The following RAB21 variants were observed in gnomAD, a reference collection of about 807,000 sequenced individuals.
RAB21 encodes the protein ras-related protein Rab-21.
A neutral mutation model predicts 33.1 loss-of-function variants in RAB21; 13 were observed. The ratio of observed to expected loss-of-function variants is 0.39; its 90% confidence interval spans 0.26 to 0.62. RAB21 has a LOEUF of 0.62. Ranked by LOEUF, RAB21 falls within the 20% of genes least tolerant of loss-of-function variation. The pLI is 0.48. For missense variants in RAB21, 234 were observed against 279.1 expected (o/e 0.84, Z 1.15); for synonymous variants, 91 against 103.7 (o/e 0.88, Z 0.74).
chr12:71,783,696 A>T (rs1318185091), intron 6 of RAB21, among the ~76,000 whole-genome samples: 1 of 152,214 alleles, frequency 6.6e-6, no homozygotes, highest in Non-Finnish European at 1.5e-5. Flanking sequence ...TCCAATGCAC[A>T]CTAAAATATA....
intron 1 of RAB21, among the ~76,000 whole-genome samples, chr12:71,758,718 A>G (rs1483493141): frequency 5.9e-5 from 9 of 151,984 alleles, no homozygotes; most frequent in Non-Finnish European, 7.4e-5. Flanking sequence ...AGCTCAAGCA[A>G]TCCTTCTGCT....
chr12:71,772,358 C>G (rs2137649026), intron 3 of RAB21, among the ~76,000 whole-genome samples: 1 of 152,334 alleles, frequency 6.6e-6, no homozygotes, highest in East Asian at 1.9e-4. Flanking sequence ...AGACTTAAGT[C>G]TGAGATTGGC....
At position 71,785,943 on chromosome 12, in the gene RAB21, C is replaced by G; in HGVS notation, c.*270C>G. The G allele has an allele frequency of 3.2e-6, 1 of 311,556 alleles. No homozygotes were observed. Among genetic ancestry groups the G allele is most frequent in the Non-Finnish European group, 6.0e-6 (1 of 165,644 alleles). The allele number at this position is 311,556 out of a possible 1,614,324, so 19.3% of individuals were successfully genotyped here. A position where few individuals can be genotyped will look rare whatever the true frequency, so the allele number is the denominator to read the frequency against. ...TTGAGACGGAGTCTCGCTCTGTCAC[C>G]CAGGCTGGAGTGCACTGGCTTGATC... On this transcript the variant is annotated 3_prime_UTR_variant, in exon 7 of 7. Transcript: ENST00000261263.
At position 71,781,426 on chromosome 12, in the gene RAB21, G is replaced by A. The variant is rs969853735; in HGVS notation, c.392-605G>A. On this transcript the variant is annotated intron_variant, in intron 4 of 6. Transcript: ENST00000261263. Reference sequence around the variant, plus strand: ...GGAGCTTGCAGTGAGCCGAGATGGCGCCACTGCACTCCAGCCTGGGTGACA... The same window carrying A: ...GGAGCTTGCAGTGAGCCGAGATGGCACCACTGCACTCCAGCCTGGGTGACA... Among the ~76,000 whole-genome samples the A allele has an allele frequency of 1.8e-4, 27 of 150,322 alleles. No individual in the cohort carries two copies. In the East Asian group the frequency reaches 5.1e-3, roughly 28 times the overall value.
At chr12:71,770,922 G>A (rs1034599213) in intron 3 of RAB21, among the ~76,000 whole-genome samples, 8 of 152,022 alleles carry the variant, frequency 5.3e-5, no homozygotes, top group South Asian at 2.1e-4. Flanking sequence ...ATTAATTTAC[G>A]TTAGAATAAT....
chr12:71,756,909 C>G (rs1311157541), intron 1 of RAB21, among the ~76,000 whole-genome samples: 2 of 152,136 alleles, frequency 1.3e-5, no homozygotes, highest in African/African-American at 2.4e-5. Context: ...TGAGGAAAAA[C>G]GTTTAGTTGA....
intron 1 of RAB21, among the ~76,000 whole-genome samples, chr12:71,759,697 C>G (rs1882841752): frequency 6.6e-6 from 1 of 152,196 alleles, no homozygotes; most frequent in African/African-American, 2.4e-5. Context: ...TCTGTCTTGC[C>G]CACAAGGTTA....
intron 1 of RAB21, among the ~76,000 whole-genome samples, chr12:71,764,131 C>T (rs781063206): frequency 9.2e-5 from 14 of 152,106 alleles, no homozygotes; most frequent in African/African-American, 2.7e-4. Flanking sequence ...TCCCTCCTTC[C>T]GTTTGTGGAC....
chr12:71,755,635 TTTTC>T (rs1482350135), intron 1 of RAB21, among the ~76,000 whole-genome samples: 1 of 152,250 alleles, frequency 6.6e-6, no homozygotes, highest in African/African-American at 2.4e-5. Context: ...TGTTAGCTCC[TTTTC>T]TTTCTTTCAG....
chr12:71,795,222 TA>T lies in RAB21; in HGVS notation c.*9553del, dbSNP rs1186271456. ...GAGCAAGATTTGTGATTCAGAATAT[TA>T]AAAGTTAAGAATCCATGAATAGCCC... On this transcript the variant is annotated 3_prime_UTR_variant, in exon 7 of 7. Coordinates refer to ENST00000261263, the MANE Select transcript of RAB21 (RefSeq NM_014999.4). 1.3e-5 allele frequency: 2 copies of T among 152,196 alleles called. No homozygotes were observed. The highest frequency in any genetic ancestry group is 4.8e-5 in the African/African-American group (2 of 41,446). The allele number at this position is 152,196 out of a possible 1,614,324, so 9.4% of individuals were successfully genotyped here.
At chr12:71,772,353 T>G (rs1883055925) in intron 3 of RAB21, among the ~76,000 whole-genome samples, 1 of 152,180 alleles carries the variant, frequency 6.6e-6, no homozygotes, top group African/African-American at 2.4e-5. Context: ...TCTTAAGACT[T>G]AAGTCTGAGA....
chr12:71,757,206 C>G (rs1271982200), intron 1 of RAB21, among the ~76,000 whole-genome samples: 1 of 152,148 alleles, frequency 6.6e-6, no homozygotes, highest in East Asian at 1.9e-4. Context: ...CCTCCTGGGT[C>G]AAGTGATTCT....
At chr12:71,757,296 A>G (rs1882800073) in intron 1 of RAB21, among the ~76,000 whole-genome samples, 1 of 152,022 alleles carries the variant, frequency 6.6e-6, no homozygotes, top group Non-Finnish European at 1.5e-5. Flanking sequence ...TTTTAGTAGA[A>G]ACGGGGTTTC....
rs1316542659 is a variant in RAB21, at chr12:71,789,402, A to G, written c.*3729A>G. 6.6e-6 allele frequency: 1 copy of G among 152,102 alleles called. No homozygotes were observed. Among genetic ancestry groups the G allele is most frequent in the Non-Finnish European group, 1.5e-5 (1 of 67,968 alleles). The allele number at this position is 152,102 out of a possible 1,614,324, so 9.4% of individuals were successfully genotyped here. A position where few individuals can be genotyped will look rare whatever the true frequency, so the allele number is the denominator to read the frequency against. ...TCAGATAGTATAGTTTACTCTTATA[A>G]TTACCCGTTACGTTATCTCTAAAAG... On this transcript the variant is annotated 3_prime_UTR_variant, in exon 7 of 7. Transcript: ENST00000261263.
chr12:71,760,533 G>A (rs6582053), intron 1 of RAB21, among the ~76,000 whole-genome samples: 30,458 of 152,178 alleles, frequency 0.2, 3,523 homozygotes, highest in East Asian at 0.37. Flanking sequence ...TTCAAGAAAC[G>A]TTTATTTTAT....
At chr12:71,769,713 A>T in intron 1 of RAB21, 87 bp from the exon 2 acceptor site, 4 of 594,676 alleles carry the variant, frequency 6.7e-6, no homozygotes, top group Non-Finnish European at 8.4e-6. Flanking sequence ...TAACTTTTAC[A>T]TTGAGATGAT....
rs2137662560 is a variant in RAB21, at chr12:71,787,936, C to T, written c.*2263C>T. 1 of 152,242 alleles carries T rather than the reference C, an allele frequency of 6.6e-6. No homozygotes were observed. The highest frequency in any genetic ancestry group is 1.5e-5 in the Non-Finnish European group (1 of 68,014). 9.4% of individuals were successfully genotyped at this position (152,242 alleles called of 1,614,324 possible). Reference sequence around the variant, plus strand: ...AGTGAAGAAAGCTTTTCCATTCTTACTGTTGTAGAAGTAGATAGGAAATAA... The same window carrying T: ...AGTGAAGAAAGCTTTTCCATTCTTATTGTTGTAGAAGTAGATAGGAAATAA... On this transcript the variant is annotated 3_prime_UTR_variant, in exon 7 of 7. Coordinates refer to ENST00000261263, the MANE Select transcript of RAB21 (RefSeq NM_014999.4).
In RAB21 at chr12:71,790,218, T is replaced by C. The variant is rs1292020650; in HGVS notation, c.*4545T>C. On this transcript the variant is annotated 3_prime_UTR_variant, in exon 7 of 7. Transcript: ENST00000261263. ...TCTGCACATATTTTCAAATGCATCA[T>C]ATTAAAGGCACAAGTCAAGAGGAGG... 1 of 152,202 alleles carries C rather than the reference T, an allele frequency of 6.6e-6. No homozygotes were observed. The highest frequency in any genetic ancestry group is 1.5e-5 in the Non-Finnish European group (1 of 68,022). 9.4% of individuals were successfully genotyped at this position (152,202 alleles called of 1,614,324 possible). A position where few individuals can be genotyped will look rare whatever the true frequency, so the allele number is the denominator to read the frequency against.
At chr12:71,769,016 G>C (rs569841006) in intron 1 of RAB21, among the ~76,000 whole-genome samples, 4 of 152,122 alleles carry the variant, frequency 2.6e-5, no homozygotes, top group Admixed American at 6.5e-5. Flanking sequence ...CATCTGTGTA[G>C]TTTCATCTCT....
Sources: gnomAD v4.1 joint callset for allele counts (sites outside exome capture counted in the v4.1 genomes callset) on GRCh38, gnomAD v4.1.1 for gene constraint, MANE v1.5 for transcripts, NCBI Gene and HGNC (gene_info 2026-07-23, HGNC 2026-07-21) for gene names.